Variants in DCC observed in about 807,000 individuals in gnomAD.
DCC encodes netrin receptor DCC.
A neutral mutation model predicts 172.5 loss-of-function variants in DCC; 58 were observed. That is an observed-to-expected ratio of 0.34 (90% confidence interval 0.27 to 0.42). The LOEUF (loss-of-function observed/expected upper bound fraction) is 0.42, where lower values mean the gene tolerates loss of function less well. DCC is among the 10% of genes least tolerant of loss of function. The pLI, the probability that DCC is intolerant of heterozygous loss-of-function variation, is 1.00. For synonymous variants in DCC, 709 were observed against 644.5 expected (o/e 1.10, Z -1.52); for missense variants, 1,740 against 1,791.0 (o/e 0.97, Z 0.51).
At chr18:52,380,976 A>G (rs1985560856) in intron 1 of DCC, among the ~76,000 whole-genome samples, 1 of 152,164 alleles carries the variant, frequency 6.6e-6, no homozygotes. Context: ...CCATTAGGGA[A>G]CATACTCAGA....
intron 1 of DCC, among the ~76,000 whole-genome samples, chr18:52,686,213 G>A (rs1282192842): frequency 6.6e-6 from 1 of 151,930 alleles, no homozygotes; most frequent in Non-Finnish European, 1.5e-5. Context: ...TTGATGGTCA[G>A]GGCACACTTA....
intron 1 of DCC, among the ~76,000 whole-genome samples, chr18:52,492,745 A>G (rs1219281679): frequency 1.3e-5 from 2 of 152,080 alleles, no homozygotes; most frequent in East Asian, 3.9e-4. Context: ...TTCTCCAGAA[A>G]TGTTCAGCTA....
At chr18:52,658,380 A>C (rs1168429031) in intron 1 of DCC, among the ~76,000 whole-genome samples, 1 of 152,200 alleles carries the variant, frequency 6.6e-6, no homozygotes, top group Non-Finnish European at 1.5e-5. Context: ...AAATAGCCAA[A>C]TTTTTATATA....
chr18:52,446,465 A>G (rs1302214150), intron 1 of DCC, among the ~76,000 whole-genome samples: 5 of 152,160 alleles, frequency 3.3e-5, no homozygotes, highest in African/African-American at 1.2e-4. Flanking sequence ...CTACTTCTCT[A>G]GATCATATCA....
intron 1 of DCC, among the ~76,000 whole-genome samples, chr18:52,483,013 G>A (rs188015583): frequency 4.0e-4 from 61 of 152,118 alleles, no homozygotes; most frequent in Non-Finnish European, 6.9e-4. Flanking sequence ...GCTCTCCCTC[G>A]AAGGCTCCTG....
chr18:52,485,313 GA>G (rs2030163755), intron 1 of DCC, among the ~76,000 whole-genome samples: 1 of 152,070 alleles, frequency 6.6e-6, no homozygotes, highest in South Asian at 2.1e-4. Context: ...AAAAACCATA[GA>G]ATACCTCAGC....
chr18:52,911,740 TTG>T (rs904751027), intron 3 of DCC, among the ~76,000 whole-genome samples: 41 of 151,874 alleles, frequency 2.7e-4, no homozygotes, highest in African/African-American at 8.9e-4. Flanking sequence ...ATTTTTTTTT[TTG>T]CTGCATTGTA....
At chr18:53,267,531 ATGC>A (rs2056695081) in intron 12 of DCC, among the ~76,000 whole-genome samples, 1 of 151,984 alleles carries the variant, frequency 6.6e-6, no homozygotes, top group Non-Finnish European at 1.5e-5. Flanking sequence ...CCAGGGTAGA[ATGC>A]AGTGGTGCAA....
chr18:53,055,315 T>C (rs1003259674), intron 5 of DCC, among the ~76,000 whole-genome samples: 2 of 152,144 alleles, frequency 1.3e-5, no homozygotes, highest in Non-Finnish European at 2.9e-5. Context: ...TGAGAAAACA[T>C]GTATAAAAGT....
At chr18:52,870,204 A>G (rs913592760) in intron 2 of DCC, among the ~76,000 whole-genome samples, 2 of 152,114 alleles carry the variant, frequency 1.3e-5, no homozygotes, top group African/African-American at 4.8e-5. Flanking sequence ...GTGGTGGGCA[A>G]GAGTGGTGAC....
At chr18:53,008,758 TC>T (rs2041683868) in intron 5 of DCC, among the ~76,000 whole-genome samples, 1 of 152,080 alleles carries the variant, frequency 6.6e-6, no homozygotes, top group South Asian at 2.1e-4. Context: ...AAAAAAATTC[TC>T]AATACATGCT....
At chr18:52,754,682 A>T (rs1335729234) in intron 2 of DCC, among the ~76,000 whole-genome samples, 1 of 152,204 alleles carries the variant, frequency 6.6e-6, no homozygotes, top group Non-Finnish European at 1.5e-5. Flanking sequence ...TGATGAAGGC[A>T]GAGTTTTCCA....
At chr18:53,045,140 A>G (rs2042220184) in intron 5 of DCC, among the ~76,000 whole-genome samples, 2 of 151,920 alleles carry the variant, frequency 1.3e-5, no homozygotes, top group Admixed American at 1.3e-4. Flanking sequence ...CTTTCCTTTA[A>G]TTGATGAATA....
At chr18:53,115,824 G>T (rs1463021163) in intron 7 of DCC, among the ~76,000 whole-genome samples, 1 of 151,488 alleles carries the variant, frequency 6.6e-6, no homozygotes, top group African/African-American at 2.4e-5. Flanking sequence ...ATGTTTTAAT[G>T]GGAAGATTAA....
At chr18:52,939,521 A>G (rs928736842) in intron 5 of DCC, among the ~76,000 whole-genome samples, 2 of 152,196 alleles carry the variant, frequency 1.3e-5, no homozygotes, top group African/African-American at 4.8e-5. Flanking sequence ...ATATAAATAA[A>G]TAAACTCTGA....
chr18:52,611,968 G>C (rs924108093), intron 1 of DCC, among the ~76,000 whole-genome samples: 2 of 152,150 alleles, frequency 1.3e-5, no homozygotes, highest in Non-Finnish European at 2.9e-5. Flanking sequence ...AGAAAACAGA[G>C]ATAGGTTTTG....
chr18:53,520,676 T>TACAA (rs1314794251), intron 27 of DCC, among the ~76,000 whole-genome samples: 7 of 151,970 alleles, frequency 4.6e-5, no homozygotes, highest in South Asian at 2.1e-4. Flanking sequence ...CACAAAAAAA[T>TACAA]ACAAACATCA....
chr18:53,496,902 C>T (rs2046030817), intron 26 of DCC, among the ~76,000 whole-genome samples: 1 of 149,960 alleles, frequency 6.7e-6, no homozygotes. Context: ...TTCAAAAATG[C>T]AGAAAAAGTA....
intron 1 of DCC, among the ~76,000 whole-genome samples, chr18:52,464,144 T>C (rs896335876): frequency 6.6e-6 from 1 of 152,238 alleles, no homozygotes; most frequent in Admixed American, 6.5e-5. Context: ...TTTATTTCCA[T>C]ATTCCCCTAA....
Sources: gnomAD v4.1 joint callset for allele counts (sites outside exome capture counted in the v4.1 genomes callset) on GRCh38, gnomAD v4.1.1 for gene constraint, MANE v1.5 for transcripts, NCBI Gene and HGNC (gene_info 2026-07-23, HGNC 2026-07-21) for gene names.